Variants in CLDN10 observed in about 807,000 individuals in gnomAD.
The protein encoded by CLDN10 is claudin 10.
A neutral mutation model predicts 22.9 loss-of-function variants in CLDN10; 15 were observed. The observed-to-expected ratio is 0.65, with a 90% CI of 0.44 to 1.01. The LOEUF (loss-of-function observed/expected upper bound fraction) is 1.01. CLDN10 is among the 50% of genes least tolerant of loss of function. The pLI, the probability that CLDN10 is intolerant of heterozygous loss-of-function variation, is 0.00. For missense variants in CLDN10, 247 were observed against 287.8 expected (o/e 0.86, Z 1.03); for synonymous variants, 114 against 111.4 (o/e 1.02, Z -0.15).
intron 1 of CLDN10, among the ~76,000 whole-genome samples, chr13:95,475,461 G>A (rs575622631): frequency 2.0e-5 from 3 of 152,314 alleles, no homozygotes; most frequent in Non-Finnish European, 4.4e-5. Flanking sequence ...GCCAATTCTC[G>A]GAGACAGAGA....
intron 1 of CLDN10, among the ~76,000 whole-genome samples, chr13:95,526,522 G>A (rs1434658490): frequency 6.6e-6 from 1 of 152,102 alleles, no homozygotes; most frequent in Admixed American, 6.5e-5. Flanking sequence ...TCTTGTATAC[G>A]GAGTTTAGGC....
chr13:95,471,453 A>ATATATATATTTT (rs776857009), intron 1 of CLDN10, among the ~76,000 whole-genome samples: 4 of 106,392 alleles, frequency 3.8e-5, no homozygotes, highest in African/African-American at 1.6e-4. Context: ...ATATATATAT[A>ATATATATATTTT]TTTTTTTTTT....
rs144180155 is a variant in CLDN10 at position 95,451,887 on chromosome 13, T to C, written c.214+17840T>C. Among the ~76,000 whole-genome samples the C allele has an allele frequency of 1.4e-3, 206 of 152,342 alleles. 1 individual carries two copies. Among genetic ancestry groups the C allele is most frequent in the African/African-American group, 4.8e-3 (198 of 41,570 alleles). ...GCCGTTAGCAAGTCTATTGGAATGG[T>C]TATCAGCCCAACTTCAACCTTCTTG... On this transcript the variant is annotated intron_variant, in intron 1 of 4. Coordinates refer to the CLDN10 transcript ENST00000376873.
chr13:95,450,912 C>G (rs2042426283), intron 1 of CLDN10, among the ~76,000 whole-genome samples: 2 of 152,236 alleles, frequency 1.3e-5, no homozygotes, highest in African/African-American at 4.8e-5. Context: ...CTCTGTTCAG[C>G]TGCGTTGAGA....
At chr13:95,499,800 C>T (rs1220299074) in intron 1 of CLDN10, among the ~76,000 whole-genome samples, 1 of 152,122 alleles carries the variant, frequency 6.6e-6, no homozygotes, top group Non-Finnish European at 1.5e-5. Context: ...AGGGATTTAG[C>T]ACTAGAAAAA....
chr13:95,555,432 T>C (rs1159286344), intron 1 of CLDN10, among the ~76,000 whole-genome samples: 1 of 152,224 alleles, frequency 6.6e-6, no homozygotes, highest in Non-Finnish European at 1.5e-5. Flanking sequence ...CTGACCGTTT[T>C]TTTTTCTCTT....
At chr13:95,471,420 C>T (rs1451371618) in intron 1 of CLDN10, among the ~76,000 whole-genome samples, 9 of 99,562 alleles carry the variant, frequency 9.0e-5, no homozygotes, top group Admixed American at 1.0e-4. Flanking sequence ...CACACATATA[C>T]ACACACACAC....
At chr13:95,445,310 A>G (rs958373661) in intron 1 of CLDN10, among the ~76,000 whole-genome samples, 4 of 152,214 alleles carry the variant, frequency 2.6e-5, no homozygotes, top group Non-Finnish European at 5.9e-5. Context: ...GTCGATAACA[A>G]AAGCTCCCAA....
At chr13:95,494,543 C>T (rs531759563) in intron 1 of CLDN10, among the ~76,000 whole-genome samples, 1 of 152,248 alleles carries the variant, frequency 6.6e-6, no homozygotes, top group Admixed American at 6.5e-5. Context: ...ACAATGTCAA[C>T]ATTTTTAGTG....
intron 1 of CLDN10, among the ~76,000 whole-genome samples, chr13:95,538,165 T>C (rs111585199): frequency 5.0e-5 from 7 of 139,470 alleles, no homozygotes; most frequent in African/African-American, 1.6e-4. Context: ...TTTTTTTTTT[T>C]TTTTTTTTTT....
intron 1 of CLDN10, among the ~76,000 whole-genome samples, chr13:95,543,798 A>G (rs546693667): frequency 3.0e-4 from 46 of 152,212 alleles, no homozygotes; most frequent in African/African-American, 1.1e-3. Context: ...GAAAAATTGT[A>G]TAGTGATAAA....
At chr13:95,449,649 A>G (rs1356069833) in intron 1 of CLDN10, among the ~76,000 whole-genome samples, 2 of 151,864 alleles carry the variant, frequency 1.3e-5, no homozygotes, top group South Asian at 2.1e-4. Flanking sequence ...TCACTGTAAC[A>G]TTGAACTCCT....
intron 1 of CLDN10, among the ~76,000 whole-genome samples, chr13:95,492,266 G>A (rs1332502460): frequency 6.6e-6 from 1 of 151,586 alleles, no homozygotes; most frequent in African/African-American, 2.4e-5. Flanking sequence ...ACCAGGGCGG[G>A]TAGGGAAGGA....
At chr13:95,551,893 A>G (rs1328651223), upstream of CLDN10, among the ~76,000 whole-genome samples, 1 of 152,220 alleles carries the variant, frequency 6.6e-6, no homozygotes. Context: ...GTTTAAAAAA[A>G]AATAAAAGAC....
chr13:95,536,742 G>A (rs1273005610), intron 1 of CLDN10, among the ~76,000 whole-genome samples: 7 of 151,992 alleles, frequency 4.6e-5, no homozygotes, highest in Admixed American at 6.6e-5. Context: ...GTTCTTTCTC[G>A]TCCTTTCCCA....
intron 1 of CLDN10, chr13:95,479,909 C>G (rs1009266700): frequency 3.0e-4 from 46 of 152,266 alleles, no homozygotes; most frequent in African/African-American, 1.1e-3. Context: ...GATTGAGTCT[C>G]TGGTTCCTCC....
At chr13:95,504,469 T>A (rs1169563052) in intron 1 of CLDN10, among the ~76,000 whole-genome samples, 1 of 152,160 alleles carries the variant, frequency 6.6e-6, no homozygotes, top group Non-Finnish European at 1.5e-5. Context: ...AACCTCCACC[T>A]CCCAGGTTCA....
chr13:95,552,927 G>T lies in CLDN10; in HGVS notation c.174G>T (p.Thr58=). 1 of 1,614,068 alleles carries T rather than the reference G, an allele frequency of 6.2e-7. No homozygotes were observed. The part of the protein sequence containing the change: ...NLWKACVTDS[T]GVSNCKDFPS... ...GGAAGGCGTGCGTTACCGACTCCAC[G>T]GGCGTCTCCAACTGCAAGGACTTCC... Residue 58 remains threonine, a synonymous_variant, in exon 1 of 5, where the codon ACG becomes ACT. Coordinates refer to ENST00000299339, the MANE Select transcript of CLDN10 (RefSeq NM_006984.5).
intron 3 of CLDN10, among the ~76,000 whole-genome samples, chr13:95,567,920 C>T (rs866131288): frequency 2.0e-5 from 3 of 152,114 alleles, no homozygotes; most frequent in East Asian, 1.9e-4. Flanking sequence ...TGATGGATTA[C>T]GTTTATTGAT....
Sources: gnomAD v4.1 joint callset for allele counts (sites outside exome capture counted in the v4.1 genomes callset) on GRCh38, gnomAD v4.1.1 for gene constraint, MANE v1.5 for transcripts, NCBI Gene and HGNC (gene_info 2026-07-23, HGNC 2026-07-21) for gene names.